Variants in CUBN observed in about 807,000 individuals in gnomAD.
The protein encoded by CUBN is 460 kDa receptor.
CUBN carries 282 observed loss-of-function variants against 405.3 expected under a neutral mutation model. The observed-to-expected ratio is 0.70, with a 90% CI of 0.63 to 0.77. CUBN has a LOEUF of 0.77. Among genes scored for constraint, CUBN ranks in the 30% least tolerant of loss-of-function variants. The pLI, the probability that CUBN is intolerant of heterozygous loss-of-function variation, is 0.00. For synonymous variants in CUBN, 1,684 were observed against 1,617.0 expected (o/e 1.04, Z -0.99); for missense variants, 4,514 against 4,475.2 (o/e 1.01, Z -0.25).
At chr10:17,084,219 T>A (rs537311101) in intron 17 of CUBN, 52 bp downstream of exon 17, 1 of 1,572,160 alleles carries the variant, frequency 6.4e-7, no homozygotes, top group African/African-American at 1.3e-5. Flanking sequence ...CTCTGCAGAA[T>A]ATAAAAATGT....
In CUBN at chr10:16,984,282, A is replaced by G. The variant is rs1833358957; in HGVS notation, c.4351-3T>C. 1 of 1,613,792 alleles carries G rather than the reference A, an allele frequency of 6.2e-7. No homozygotes were observed. The highest frequency in any genetic ancestry group is 8.5e-7 in the Non-Finnish European group (1 of 1,179,690). ...TGGAAATCGGGGCCTCCATAGATCTAACATGGGATGTAGGAAAAAAGACTT... is the reference window on the plus strand; with the variant it reads ...TGGAAATCGGGGCCTCCATAGATCTGACATGGGATGTAGGAAAAAAGACTT... On this transcript the variant is annotated splice_region_variant and splice_polypyrimidine_tract_variant and intron_variant, in intron 29 of 66. Transcript: ENST00000377833.
At chr10:16,837,969 C>G (rs2131315134) in intron 62 of CUBN, among the ~76,000 whole-genome samples, 1 of 152,264 alleles carries the variant, frequency 6.6e-6, no homozygotes, top group South Asian at 2.1e-4. Flanking sequence ...ATTGTCTTAG[C>G]TTCGTGAAGC....
chr10:16,846,067 G>C (rs1213201371), intron 60 of CUBN, among the ~76,000 whole-genome samples: 1 of 152,184 alleles, frequency 6.6e-6, no homozygotes, highest in Admixed American at 6.5e-5. Flanking sequence ...CAGAACCTAA[G>C]TCCATTTTAT....
intron 59 of CUBN, 135 bp downstream of exon 59, chr10:16,869,501 C>G (rs1840285142): frequency 2.7e-6 from 2 of 750,504 alleles, no homozygotes; most frequent in Non-Finnish European, 4.6e-6. Context: ...AAACCAAGCC[C>G]TTACATGGCA....
chr10:17,127,738 A>G (rs928943350), intron 3 of CUBN, 91 bp downstream of exon 3: 1 of 853,778 alleles, frequency 1.2e-6, no homozygotes, highest in South Asian at 1.5e-5. Flanking sequence ...TAAAGAGCAC[A>G]CAAAGTTGGT....
chr10:17,071,438 T>A lies in CUBN; in HGVS notation c.2613A>T (p.Thr871=), dbSNP rs1835737152. The part of the protein sequence containing the change: ...FEIGSSAHCE[T]DYVEIGSSSI... ...TTTTCCCTCTTACCTCAACATAATC[T>A]GTTTCACAGTGGGCAGAACTTCCAA... The change falls in exon 19 of 67, where the codon ACA becomes ACT. Residue 871 remains threonine, a synonymous_variant. Transcript: ENST00000377833. 3 of 1,613,858 alleles carry A rather than the reference T, an allele frequency of 1.9e-6. No homozygotes were observed. Among genetic ancestry groups the A allele is most frequent in the Non-Finnish European group, 2.5e-6 (3 of 1,179,910 alleles).
intron 27 of CUBN, among the ~76,000 whole-genome samples, chr10:17,034,477 C>T (rs575415165): frequency 1.3e-5 from 2 of 152,170 alleles, no homozygotes; most frequent in African/African-American, 4.8e-5. Context: ...CAGGAGAGAG[C>T]ATTGAAGTGA....
intron 31 of CUBN, among the ~76,000 whole-genome samples, chr10:16,976,435 C>T (rs1413342847): frequency 1.3e-5 from 2 of 152,098 alleles, no homozygotes; most frequent in Non-Finnish European, 2.9e-5. Context: ...TTCTAACAAG[C>T]AATCTGTTCC....
chr10:16,888,614 T>A, intron 55 of CUBN, 48 bp from the exon 56 acceptor site: 1 of 1,561,212 alleles, frequency 6.4e-7, no homozygotes, highest in Non-Finnish European at 8.8e-7. Flanking sequence ...TTCTCGTGTA[T>A]CTATTTTGTC....
chr10:16,962,550 C>A (rs1843261404), intron 31 of CUBN, among the ~76,000 whole-genome samples: 1 of 152,062 alleles, frequency 6.6e-6, no homozygotes, highest in African/African-American at 2.4e-5. Context: ...ATGGGATAGA[C>A]CTCGTGATTG....
At chr10:17,116,629 C>A (rs1349257170) in intron 6 of CUBN, among the ~76,000 whole-genome samples, 1 of 152,208 alleles carries the variant, frequency 6.6e-6, no homozygotes, top group African/African-American at 2.4e-5. Flanking sequence ...CAGTGAGGTA[C>A]AAGGAGCTTA....
chr10:16,957,894 T>TC (rs1185234660), intron 31 of CUBN, among the ~76,000 whole-genome samples: 2 of 88,686 alleles, frequency 2.3e-5, no homozygotes. Context: ...TATAGACTTC[T>TC]CAAAAAAAAA....
At chr10:16,986,617 C>T (rs1344406159) in intron 29 of CUBN, among the ~76,000 whole-genome samples, 1 of 152,160 alleles carries the variant, frequency 6.6e-6, no homozygotes, top group Non-Finnish European at 1.5e-5. Context: ...GCACTCCCCC[C>T]AAGTCCCATC....
At chr10:17,085,450 T>C (rs573477713) in intron 16 of CUBN, 147 bp downstream of exon 16, 93 of 825,252 alleles carry the variant, frequency 1.1e-4, no homozygotes, top group East Asian at 5.6e-4. Context: ...AGAAAAAATA[T>C]GAAGCTATGA....
intron 40 of CUBN, among the ~76,000 whole-genome samples, chr10:16,931,694 G>A (rs973551496): frequency 1.3e-5 from 2 of 152,162 alleles, no homozygotes; most frequent in African/African-American, 4.8e-5. Context: ...AGCCTGTGAG[G>A]GAGGTATTTG....
intron 31 of CUBN, among the ~76,000 whole-genome samples, chr10:16,966,225 C>T (rs888254038): frequency 1.1e-4 from 17 of 152,194 alleles, no homozygotes; most frequent in Non-Finnish European, 2.2e-4. Context: ...GCATTCCATT[C>T]CAGTGAACGT....
rs1238039450 is a variant in CUBN, at chr10:17,068,309, A to G, written c.2792-29T>C. 2.5e-6 allele frequency: 4 copies of G among 1,599,086 alleles called. No homozygotes were observed. In the African/African-American group the frequency reaches 4.0e-5, roughly 16 times the overall value. ...TTGAAATAAAAATTATAATTACTGC[A>G]GCAAGTAACCAAGCTACCTGGATTT... On this transcript the variant is annotated intron_variant, in intron 20 of 66. Transcript: ENST00000377833.
chr10:17,049,117 G>A (rs2131824119), intron 22 of CUBN, among the ~76,000 whole-genome samples: 1 of 152,334 alleles, frequency 6.6e-6, no homozygotes, highest in East Asian at 1.9e-4. Flanking sequence ...AGGTAGAGAG[G>A]AAGGGAATAA....
At chr10:17,007,472 G>A (rs2131752013) in intron 28 of CUBN, among the ~76,000 whole-genome samples, 1 of 152,322 alleles carries the variant, frequency 6.6e-6, no homozygotes. Context: ...AGCATATTTT[G>A]TAAATGCGTT....
Sources: gnomAD v4.1 joint callset for allele counts (sites outside exome capture counted in the v4.1 genomes callset) on GRCh38, gnomAD v4.1.1 for gene constraint, MANE v1.5 for transcripts, NCBI Gene and HGNC (gene_info 2026-07-23, HGNC 2026-07-21) for gene names.